The following MYT1L variants were observed in gnomAD, a reference collection of about 807,000 sequenced individuals.
MYT1L encodes myelin transcription factor 1 like.
Under a neutral mutation model 126.7 loss-of-function variants are expected in MYT1L, and 12 were observed. The ratio of observed to expected loss-of-function variants is 0.09; its 90% confidence interval spans 0.06 to 0.15. The LOEUF is 0.15. Among genes scored for constraint, MYT1L ranks in the 10% least tolerant of loss-of-function variants. The probability of loss-of-function intolerance (pLI) is 1.00; values close to 1 mark genes in which losing one functional copy is unlikely to be tolerated. For missense variants in MYT1L, 979 were observed against 1,585.2 expected, an observed-to-expected ratio of 0.62 and a Z score of 6.49; for synonymous variants, 541 against 604.2, an observed-to-expected ratio of 0.90 and a Z score of 1.53.
chr2:1,986,255 A>T (rs1345871256), intron 5 of MYT1L, among the ~76,000 whole-genome samples: 1 of 152,190 alleles, frequency 6.6e-6, no homozygotes, highest in Non-Finnish European at 1.5e-5. Flanking sequence ...TCCACTCCAC[A>T]TGCAGCCAGA....
At chr2:1,988,695 A>G (rs1319480493) in intron 5 of MYT1L, among the ~76,000 whole-genome samples, 1 of 152,230 alleles carries the variant, frequency 6.6e-6, no homozygotes, top group Non-Finnish European at 1.5e-5. Flanking sequence ...GGACTGAATA[A>G]AAGAATCTTA....
chr2:2,083,615 T>C (rs928728329), intron 3 of MYT1L, among the ~76,000 whole-genome samples: 4 of 152,230 alleles, frequency 2.6e-5, no homozygotes, highest in African/African-American at 9.6e-5. Context: ...CGTACAATTT[T>C]TCAGACCAGC....
At chr2:1,834,552 G>A (rs990522864) in intron 21 of MYT1L, among the ~76,000 whole-genome samples, 1 of 152,196 alleles carries the variant, frequency 6.6e-6, no homozygotes, top group African/African-American at 2.4e-5. Context: ...TGAGGACATG[G>A]GGCTCCATGA....
intron 2 of MYT1L, among the ~76,000 whole-genome samples, chr2:2,214,576 T>A (rs1390087447): frequency 6.6e-6 from 1 of 152,158 alleles, no homozygotes; most frequent in Non-Finnish European, 1.5e-5. Flanking sequence ...TTAAAGTACT[T>A]AAGAGGAAAA....
rs561268283 is a variant in MYT1L, at chr2:1,791,363, A to T, written c.*504T>A. On this transcript the variant is annotated 3_prime_UTR_variant, in exon 25 of 25. Transcript: ENST00000647738. The surrounding 1 kb of genome is among the most constrained non-coding windows in gnomAD (Gnocchi z 6.0). The stretch of plus-strand genomic sequence containing the variant: ...CTTGCTATGAAACAATATGCACACA[A>T]AATGTATTTCTTAAATTCCATAAAG... 23 of 430,400 alleles carry T rather than the reference A, an allele frequency of 5.3e-5. No individual in the cohort carries two copies. Among genetic ancestry groups the T allele is most frequent in the Non-Finnish European group, 1.0e-4 (21 of 210,304 alleles). The allele number at this position is 430,400 out of a possible 1,614,324, so 26.7% of individuals were successfully genotyped here.
intron 21 of MYT1L, among the ~76,000 whole-genome samples, chr2:1,831,079 A>C (rs2040099062): frequency 6.6e-6 from 1 of 151,974 alleles, no homozygotes; most frequent in African/African-American, 2.4e-5. Context: ...TTCCCTTGGA[A>C]TCCCCTCTCC....
At chr2:2,089,880 A>T (rs1575095435) in intron 3 of MYT1L, among the ~76,000 whole-genome samples, 2 of 152,322 alleles carry the variant, frequency 1.3e-5, no homozygotes, top group South Asian at 4.1e-4. Context: ...CTGGCAGTGA[A>T]AATATGTCAT....
intron 4 of MYT1L, among the ~76,000 whole-genome samples, chr2:2,001,237 C>CTTTTTTTTTTTTTTTTTCTTTTTTTTTTT (rs11389323): frequency 9.6e-6 from 1 of 103,910 alleles, no homozygotes; most frequent in Non-Finnish European, 1.9e-5. Flanking sequence ...TTGGTTTTAG[C>CTTTTTTTTTTTTTTTTTCTTTTTTTTTTT]TTTTTTTTTT....
At chr2:1,940,975 G>T (rs1220896732) in intron 9 of MYT1L, among the ~76,000 whole-genome samples, 1 of 152,146 alleles carries the variant, frequency 6.6e-6, no homozygotes, top group African/African-American at 2.4e-5. Flanking sequence ...CCATTTACTT[G>T]CATTTTTCTG....
chr2:2,264,124 A>G (rs1168375065), intron 2 of MYT1L, among the ~76,000 whole-genome samples: 1 of 152,210 alleles, frequency 6.6e-6, no homozygotes, highest in South Asian at 2.1e-4. Flanking sequence ...ACTGACCCTG[A>G]AGCCCAAGTT....
At chr2:2,177,100 T>C (rs1349508535) in intron 2 of MYT1L, among the ~76,000 whole-genome samples, 2 of 152,226 alleles carry the variant, frequency 1.3e-5, no homozygotes, top group Non-Finnish European at 2.9e-5. Flanking sequence ...CTTCCCCGTC[T>C]GCTGTGTAGC....
chr2:2,098,167 A>C (rs1006615345), intron 3 of MYT1L, among the ~76,000 whole-genome samples: 1 of 152,144 alleles, frequency 6.6e-6, no homozygotes, highest in African/African-American at 2.4e-5. Flanking sequence ...CTTTGTAGTG[A>C]TGCAAACACA....
intron 3 of MYT1L, among the ~76,000 whole-genome samples, chr2:2,120,497 C>A (rs898065684): frequency 6.6e-6 from 1 of 151,766 alleles, no homozygotes; most frequent in Non-Finnish European, 1.5e-5. Context: ...TTTTAAAAAT[C>A]ATTGTAAAGT....
chr2:2,058,917 T>C (rs750224225), intron 3 of MYT1L, among the ~76,000 whole-genome samples: 9 of 152,172 alleles, frequency 5.9e-5, no homozygotes, highest in Non-Finnish European at 1.0e-4. Context: ...TTAGAAGCGA[T>C]TGAGGATGAT....
At position 1,979,042 on chromosome 2, in the gene MYT1L, A is replaced by G; in HGVS notation, c.152+123T>C. On this transcript the variant is annotated intron_variant, in intron 8 of 24. Coordinates refer to ENST00000647738, the MANE Select transcript of MYT1L (RefSeq NM_001303052.2). This position sits in a 1 kb window ranked among gnomAD's most constrained non-coding sequence, Gnocchi z 4.0. ...AAGACTGAGTTCCAGTGTGAGAAGA[A>G]AAAGAAGGCATAATGTGTATTGCTT... is the stretch of plus-strand genomic sequence containing the variant. 1.3e-6 allele frequency: 1 copy of G among 743,558 alleles called. No individual in the cohort carries two copies. Among genetic ancestry groups the G allele is most frequent in the Non-Finnish European group, 2.3e-6 (1 of 441,786 alleles). The allele number at this position is 743,558 out of a possible 1,614,324, so 46.1% of individuals were successfully genotyped here.
Position 1,910,207 on chromosome 2 carries a change from A to C in MYT1L, c.1817+33T>G. On this transcript the variant is annotated intron_variant, in intron 13 of 24. Transcript: ENST00000647738. This position sits in a 1 kb window ranked among gnomAD's most constrained non-coding sequence, Gnocchi z 4.8. ...CCGAGGTGTGGGGCAGACTATGGAT[A>C]GAGCTCACGGATGGTGCACTCCTGC... 2.3e-5 allele frequency: 37 copies of C among 1,582,452 alleles called. No individual in the cohort carries two copies. The highest frequency in any genetic ancestry group is 1.7e-4 in the Middle Eastern group (1 of 6,002).
At chr2:2,326,953 A>G (rs2096251821) in intron 1 of MYT1L, 1 of 152,212 alleles carries the variant, frequency 6.6e-6, no homozygotes, top group Non-Finnish European at 1.5e-5. Flanking sequence ...GAGAGAAAGG[A>G]AAGTGGAGAG....
chr2:1,967,941 G>C (rs1574072994), intron 8 of MYT1L, among the ~76,000 whole-genome samples: 1 of 152,172 alleles, frequency 6.6e-6, no homozygotes, highest in South Asian at 2.1e-4. Context: ...GGGAGGAGAG[G>C]AGCTTCCTCG....
chr2:2,037,800 A>C (rs1315006221), intron 4 of MYT1L, among the ~76,000 whole-genome samples: 1 of 146,628 alleles, frequency 6.8e-6, no homozygotes, highest in African/African-American at 2.6e-5. Flanking sequence ...AAAAAACAAA[A>C]AAACAAAAAA....
Sources: allele counts gnomAD v4.1 joint callset (sites outside exome capture counted in the v4.1 genomes callset), GRCh38; gene constraint gnomAD v4.1.1; non-coding constraint Gnocchi (gnomAD v3.1); transcripts MANE v1.5; gene names NCBI Gene and HGNC (gene_info 2026-07-23, HGNC 2026-07-21).